Variants in MTHFD2L observed in about 807,000 individuals in gnomAD.
MTHFD2L encodes the protein methylenetetrahydrofolate dehydrogenase (NADP+ dependent) 2 like, also known as bifunctional methylenetetrahydrofolate dehydrogenase/cyclohydrolase 2, mitochondrial.
In MTHFD2L, 29 loss-of-function variants were observed where a neutral mutation model predicts 34.9. The ratio of observed to expected loss-of-function variants is 0.83; its 90% CI spans 0.62 to 1.13. MTHFD2L has a LOEUF of 1.13. Ranked by LOEUF, MTHFD2L falls within the 50% of genes most tolerant of loss-of-function variation. The pLI is 0.00. For synonymous variants in MTHFD2L, 167 were observed against 155.7 expected (o/e 1.07, Z -0.54); for missense variants, 481 against 446.5 (o/e 1.08, Z -0.70).
intron 5 of MTHFD2L, among the ~76,000 whole-genome samples, chr4:74,207,154 C>T (rs1401065126): frequency 6.6e-6 from 1 of 152,078 alleles, no homozygotes; most frequent in Non-Finnish European, 1.5e-5. Flanking sequence ...CCTGCCTCCA[C>T]CTCTCAAAAT....
chr4:74,287,601 G>A (rs1004183059), intron 7 of MTHFD2L, among the ~76,000 whole-genome samples: 4 of 152,062 alleles, frequency 2.6e-5, no homozygotes, highest in African/African-American at 9.7e-5. Context: ...ACAAAAATTC[G>A]CTAGGTGTGG....
intron 1 of MTHFD2L, among the ~76,000 whole-genome samples, chr4:74,133,796 G>A (rs759609256): frequency 2.6e-5 from 4 of 151,900 alleles, no homozygotes; most frequent in Admixed American, 6.6e-5. Flanking sequence ...TTCACATATC[G>A]GTTTTCTAAT....
chr4:74,293,175 C>G (rs1216999747), intron 7 of MTHFD2L, among the ~76,000 whole-genome samples: 1 of 152,054 alleles, frequency 6.6e-6, no homozygotes, highest in Non-Finnish European at 1.5e-5. Context: ...AAGTATTTCT[C>G]CTAATGCTAT....
chr4:74,220,074 A>C (rs538317916), intron 5 of MTHFD2L, among the ~76,000 whole-genome samples: 1 of 136,136 alleles, frequency 7.3e-6, no homozygotes, highest in South Asian at 2.5e-4. Context: ...GGGAAGTTTC[A>C]GTTTCATTTT....
intron 6 of MTHFD2L, among the ~76,000 whole-genome samples, chr4:74,229,437 T>C (rs1389353883): frequency 1.3e-5 from 2 of 152,116 alleles, no homozygotes; most frequent in African/African-American, 4.8e-5. Context: ...ACTGTCATAA[T>C]GAGAATGTCA....
intron 5 of MTHFD2L, among the ~76,000 whole-genome samples, chr4:74,208,552 A>C (rs1735749397): frequency 6.6e-6 from 1 of 152,166 alleles, no homozygotes; most frequent in Non-Finnish European, 1.5e-5. Context: ...CTAAAAGCCG[A>C]GTTCTTGTCA....
At chr4:74,174,393 A>G (rs1489361190) in intron 1 of MTHFD2L, 113 bp from the exon 2 acceptor site, 1 of 810,842 alleles carries the variant, frequency 1.2e-6, no homozygotes, top group Non-Finnish European at 1.7e-6. Flanking sequence ...AAAAAAAATC[A>G]AATTTTGGGT....
intron 5 of MTHFD2L, among the ~76,000 whole-genome samples, chr4:74,223,390 C>G (rs922499575): frequency 1.3e-5 from 2 of 151,978 alleles, no homozygotes; most frequent in African/African-American, 2.4e-5. Flanking sequence ...ACTGCATGCT[C>G]TCACTTATAA....
chr4:74,272,318 T>C (rs1246933502), intron 6 of MTHFD2L, among the ~76,000 whole-genome samples: 1 of 152,134 alleles, frequency 6.6e-6, no homozygotes, highest in East Asian at 1.9e-4. Flanking sequence ...ACCTGCATAG[T>C]ATGTTTATTC....
chr4:74,258,363 A>G (rs1335449300), intron 6 of MTHFD2L, among the ~76,000 whole-genome samples: 2 of 151,958 alleles, frequency 1.3e-5, no homozygotes, highest in African/African-American at 4.8e-5. Flanking sequence ...TAAAGAAAAT[A>G]TGAGATAGCT....
At chr4:74,164,123 G>A (rs1034275248) in intron 1 of MTHFD2L, among the ~76,000 whole-genome samples, 3 of 152,124 alleles carry the variant, frequency 2.0e-5, no homozygotes, top group African/African-American at 4.8e-5. Flanking sequence ...TGATCCGCCC[G>A]CCTCAGCCTC....
chr4:74,301,947 A>G lies in MTHFD2L; in HGVS notation c.*138A>G. On this transcript the variant is annotated 3_prime_UTR_variant, in exon 8 of 8. Transcript: ENST00000325278. ...TCATGGGTGAAATCATTGTGAATCA[A>G]TTGATTCACATAGTTTTATGCATTT... 2.2e-6 allele frequency: 1 copy of G among 465,056 alleles called. No homozygotes were observed. The highest frequency in any genetic ancestry group is 3.8e-6 in the Non-Finnish European group (1 of 260,604). The allele number at this position is 465,056 out of a possible 1,614,324, so 28.8% of individuals were successfully genotyped here. A position where few individuals can be genotyped will look rare whatever the true frequency, so the allele number is the denominator to read the frequency against.
intron 1 of MTHFD2L, among the ~76,000 whole-genome samples, chr4:74,138,286 G>T (rs548081219): frequency 2.6e-5 from 4 of 152,170 alleles, no homozygotes; most frequent in South Asian, 4.2e-4. Flanking sequence ...AGTCTTCTCT[G>T]TCTGGCTTTG....
chr4:74,170,130 A>G (rs967192897), intron 1 of MTHFD2L, among the ~76,000 whole-genome samples: 5 of 152,238 alleles, frequency 3.3e-5, no homozygotes, highest in African/African-American at 4.8e-5. Context: ...AACTCATTCT[A>G]TGAAGCTAGC....
intron 6 of MTHFD2L, among the ~76,000 whole-genome samples, chr4:74,280,751 C>T (rs959587394): frequency 6.6e-5 from 10 of 151,740 alleles, no homozygotes; most frequent in Non-Finnish European, 1.5e-4. Flanking sequence ...TATAATGTTG[C>T]ATAAGACCAA....
At chr4:74,171,519 G>A (rs983562936) in intron 1 of MTHFD2L, among the ~76,000 whole-genome samples, 3 of 152,132 alleles carry the variant, frequency 2.0e-5, no homozygotes, top group Non-Finnish European at 4.4e-5. Context: ...AGAAATTAAA[G>A]CGGCCAGGAG....
At chr4:74,227,252 C>CGACA (rs946261389) in intron 6 of MTHFD2L, among the ~76,000 whole-genome samples, 4 of 152,296 alleles carry the variant, frequency 2.6e-5, no homozygotes, top group African/African-American at 9.6e-5. Flanking sequence ...ATCCTTTCCC[C>CGACA]GACAGCTAAG....
intron 7 of MTHFD2L, among the ~76,000 whole-genome samples, chr4:74,295,231 T>C (rs975132375): frequency 6.6e-6 from 1 of 152,114 alleles, no homozygotes; most frequent in African/African-American, 2.4e-5. Context: ...TCATGTGCTT[T>C]GGTCATAATG....
At chr4:74,180,207 C>A (rs1055182185) in intron 3 of MTHFD2L, among the ~76,000 whole-genome samples, 2 of 152,092 alleles carry the variant, frequency 1.3e-5, no homozygotes, top group Non-Finnish European at 1.5e-5. Flanking sequence ...ATATGTCCAG[C>A]AAGGGCTGGA....
Sources: allele counts gnomAD v4.1 joint callset (sites outside exome capture counted in the v4.1 genomes callset), GRCh38; gene constraint gnomAD v4.1.1; transcripts MANE v1.5; gene names NCBI Gene and HGNC (gene_info 2026-07-23, HGNC 2026-07-21).